The following ATG10 variants were observed in gnomAD, a reference collection of about 807,000 sequenced individuals.
The protein encoded by ATG10 is ubiquitin-like-conjugating enzyme ATG10.
Under a neutral mutation model 32.1 loss-of-function variants are expected in ATG10, and 30 were observed. That is an observed-to-expected ratio of 0.94 (90% CI 0.70 to 1.27). The LOEUF (loss-of-function observed/expected upper bound fraction) is 1.27, where lower values mean the gene tolerates loss of function less well. ATG10 is among the 50% of genes most tolerant of loss of function. The pLI is 0.00. For missense variants in ATG10, 233 were observed against 262.3 expected (o/e 0.89, Z 0.77); for synonymous variants, 87 against 91.5 (o/e 0.95, Z 0.28).
At chr5:82,066,592 C>T (rs536014460) in intron 3 of ATG10, among the ~76,000 whole-genome samples, 3 of 151,984 alleles carry the variant, frequency 2.0e-5, no homozygotes, top group South Asian at 4.2e-4. Context: ...GTGAGGCCCT[C>T]GACAAAAAAC....
Sources: allele counts gnomAD v4.1 joint callset (sites outside exome capture counted in the v4.1 genomes callset), GRCh38; gene constraint gnomAD v4.1.1; transcripts MANE v1.5; gene names NCBI Gene and HGNC (gene_info 2026-07-23, HGNC 2026-07-21).